Variants in CDH13 observed in about 807,000 individuals in gnomAD.
CDH13 encodes cadherin-13.
In CDH13, 24 loss-of-function variants were observed where a neutral mutation model predicts 63.8. That is an observed-to-expected ratio of 0.38 (90% CI 0.27 to 0.53). The LOEUF (loss-of-function observed/expected upper bound fraction) is 0.53. Among genes scored for constraint, CDH13 ranks in the 20% least tolerant of loss-of-function variants. The pLI, the probability that CDH13 is intolerant of heterozygous loss-of-function variation, is 0.85. For synonymous variants in CDH13, 503 were observed against 355.3 expected, an observed-to-expected ratio of 1.42 and a Z score of -4.67; for missense variants, 1,049 against 903.1, an observed-to-expected ratio of 1.16 and a Z score of -2.07.
At chr16:82,954,921 A>G (rs1186721924) in intron 2 of CDH13, among the ~76,000 whole-genome samples, 1 of 152,124 alleles carries the variant, frequency 6.6e-6, no homozygotes, top group Non-Finnish European at 1.5e-5. Context: ...TTCACTTAGG[A>G]TAGTGTTTTA....
chr16:82,849,371 A>T (rs1016870257), intron 1 of CDH13, among the ~76,000 whole-genome samples: 4 of 152,108 alleles, frequency 2.6e-5, no homozygotes, highest in Non-Finnish European at 5.9e-5. Context: ...GTGTGGTGGC[A>T]CGTACCTGTA....
chr16:83,369,300 A>T (rs1006603037), intron 6 of CDH13, among the ~76,000 whole-genome samples: 27 of 151,990 alleles, frequency 1.8e-4, no homozygotes, highest in African/African-American at 6.3e-4. Flanking sequence ...TCCAACAAAC[A>T]AGTCACCTGT....
chr16:83,561,472 C>T (rs1247551890), intron 7 of CDH13, among the ~76,000 whole-genome samples: 2 of 148,534 alleles, frequency 1.3e-5, no homozygotes, highest in African/African-American at 5.0e-5. Flanking sequence ...GCTATGCTAT[C>T]AAAGTATATT....
chr16:82,960,960 GT>G (rs1906887642), intron 2 of CDH13, among the ~76,000 whole-genome samples: 1 of 152,192 alleles, frequency 6.6e-6, no homozygotes, highest in African/African-American at 2.4e-5. Context: ...AATATGGATA[GT>G]TTTTTCATTG....
At chr16:83,144,682 T>C (rs1448475247) in intron 4 of CDH13, among the ~76,000 whole-genome samples, 1 of 152,246 alleles carries the variant, frequency 6.6e-6, no homozygotes, top group Non-Finnish European at 1.5e-5. Context: ...TCTATTTTTT[T>C]CCCTGCTCAG....
intron 5 of CDH13, among the ~76,000 whole-genome samples, chr16:83,293,177 T>G (rs1298209369): frequency 6.6e-6 from 1 of 152,200 alleles, no homozygotes; most frequent in East Asian, 1.9e-4. Context: ...GAGCGGTCTT[T>G]GCACTACTCA....
chr16:82,669,698 C>G (rs1913009102), intron 1 of CDH13, among the ~76,000 whole-genome samples: 1 of 152,218 alleles, frequency 6.6e-6, no homozygotes. Flanking sequence ...CTTTTCCATA[C>G]AACTGTGCCC....
At chr16:82,727,351 TTGAC>T (rs952303023) in intron 1 of CDH13, 2 of 152,140 alleles carry the variant, frequency 1.3e-5, no homozygotes, top group African/African-American at 2.4e-5. Context: ...AATTAGAAGA[TTGAC>T]TGATTTTCGT....
chr16:83,155,960 A>G (rs887369114), intron 4 of CDH13, among the ~76,000 whole-genome samples: 9 of 152,184 alleles, frequency 5.9e-5, no homozygotes, highest in African/African-American at 2.2e-4. Context: ...GGACCTGGTC[A>G]TCAGCATGTC....
intron 10 of CDH13, among the ~76,000 whole-genome samples, chr16:83,711,516 GT>G: frequency 6.6e-6 from 1 of 152,008 alleles, no homozygotes. Flanking sequence ...TGGTTTTTTT[GT>G]TTTTTGTTTT....
intron 1 of CDH13, among the ~76,000 whole-genome samples, chr16:82,804,961 T>A (rs564183761): frequency 6.6e-6 from 1 of 152,246 alleles, no homozygotes; most frequent in African/African-American, 2.4e-5. Context: ...TTCATAGTTA[T>A]CTACTTAGCA....
intron 8 of CDH13, among the ~76,000 whole-genome samples, chr16:83,635,878 C>T (rs1372661386): frequency 6.6e-6 from 1 of 152,100 alleles, no homozygotes. Context: ...AATTCTTTGC[C>T]TAGCCCTAGG....
At chr16:82,946,421 A>G (rs1298855359) in intron 2 of CDH13, among the ~76,000 whole-genome samples, 2 of 152,194 alleles carry the variant, frequency 1.3e-5, no homozygotes, top group African/African-American at 4.8e-5. Flanking sequence ...TATAAAATTA[A>G]GCTTAATCTT....
intron 3 of CDH13, among the ~76,000 whole-genome samples, chr16:83,037,120 G>C (rs1219591021): frequency 6.6e-6 from 1 of 152,198 alleles, no homozygotes; most frequent in Non-Finnish European, 1.5e-5. Context: ...AGTAGGGAGA[G>C]ACTAGAGCTA....
chr16:83,582,209 C>T (rs1462469190), intron 7 of CDH13, among the ~76,000 whole-genome samples: 2 of 152,146 alleles, frequency 1.3e-5, no homozygotes, highest in Non-Finnish European at 2.9e-5. Flanking sequence ...ACTACTTCTG[C>T]AGGGCAATGC....
chr16:83,308,908 C>T (rs774338667), intron 5 of CDH13, among the ~76,000 whole-genome samples: 6 of 152,296 alleles, frequency 3.9e-5, no homozygotes, highest in South Asian at 4.2e-4. Context: ...GTAGGGGATT[C>T]GGGAAGCCTC....
chr16:83,777,413 T>G (rs906698826), intron 11 of CDH13, among the ~76,000 whole-genome samples: 1 of 152,340 alleles, frequency 6.6e-6, no homozygotes, highest in East Asian at 1.9e-4. Context: ...GACCTGCAGC[T>G]GCGCTGAGTC....
At chr16:83,244,783 CA>C (rs897579558) in intron 5 of CDH13, among the ~76,000 whole-genome samples, 31 of 152,254 alleles carry the variant, frequency 2.0e-4, no homozygotes, top group Middle Eastern at 6.8e-3. Context: ...TTAATTCCCC[CA>C]GGGAGAAATA....
intron 2 of CDH13, among the ~76,000 whole-genome samples, chr16:82,868,129 G>C (rs1295143711): frequency 6.6e-6 from 1 of 152,200 alleles, no homozygotes; most frequent in African/African-American, 2.4e-5. Flanking sequence ...GCTGGACAAG[G>C]TTGGGGTTTC....
Sources: gnomAD v4.1 joint callset for allele counts (sites outside exome capture counted in the v4.1 genomes callset) on GRCh38, gnomAD v4.1.1 for gene constraint, MANE v1.5 for transcripts, NCBI Gene and HGNC (gene_info 2026-07-23, HGNC 2026-07-21) for gene names.